Variants in EDEM1 observed in about 807,000 individuals in gnomAD.
EDEM1 encodes ER degradation-enhancing alpha-mannosidase-like protein 1.
EDEM1 carries 67 observed loss-of-function variants against 74.4 expected under a neutral mutation model. The ratio of observed to expected loss-of-function variants is 0.90; its 90% CI spans 0.74 to 1.10. The LOEUF (loss-of-function observed/expected upper bound fraction) is 1.10, where lower values mean the gene tolerates loss of function less well. EDEM1 is among the 50% of genes least tolerant of loss of function. The pLI is 0.00. For missense variants in EDEM1, 926 were observed against 851.6 expected, an observed-to-expected ratio of 1.09 and a Z score of -1.09; for synonymous variants, 382 against 335.9, an observed-to-expected ratio of 1.14 and a Z score of -1.50.
chr3:5,194,394 A>T (rs1050134773), intron 1 of EDEM1, among the ~76,000 whole-genome samples: 1 of 152,186 alleles, frequency 6.6e-6, no homozygotes, highest in South Asian at 2.1e-4. Context: ...CTTCATCCCT[A>T]TTCTCCCAGA....
chr3:5,198,347 C>T lies in EDEM1; in HGVS notation c.583-1245C>T, dbSNP rs192406350. Among the ~76,000 whole-genome samples, 303 of 152,288 alleles carry T rather than the reference C, an allele frequency of 2.0e-3. 1 individual carries two copies. The highest frequency in any genetic ancestry group is 7.0e-3 in the African/African-American group (292 of 41,560). ...ACAGACCTGAGCCACCGTGTCCAGC[C>T]GGTTGACTCTCTGATTAGCCTTTCA... On this transcript the variant is annotated intron_variant, in intron 2 of 11. Coordinates refer to ENST00000256497, the MANE Select transcript of EDEM1 (RefSeq NM_014674.3).
chr3:5,190,718 G>A (rs1410510164), intron 1 of EDEM1, among the ~76,000 whole-genome samples: 1 of 152,200 alleles, frequency 6.6e-6, no homozygotes, highest in Non-Finnish European at 1.5e-5. Context: ...CCTGAGCTGG[G>A]TAGGCCCGTT....
At chr3:5,191,235 T>C (rs1385847820) in intron 1 of EDEM1, among the ~76,000 whole-genome samples, 1 of 152,120 alleles carries the variant, frequency 6.6e-6, no homozygotes. Flanking sequence ...TTTGTTTGTT[T>C]GTTTAATTGA....
At chr3:5,206,701 T>C (rs1052070918) in intron 6 of EDEM1, among the ~76,000 whole-genome samples, 3 of 152,236 alleles carry the variant, frequency 2.0e-5, no homozygotes, top group African/African-American at 7.2e-5. Flanking sequence ...AGCCACAAAC[T>C]AAATTGAGCA....
At chr3:5,188,675 G>A (rs1487109764) in intron 1 of EDEM1, among the ~76,000 whole-genome samples, 2 of 152,334 alleles carry the variant, frequency 1.3e-5, no homozygotes, top group East Asian at 1.9e-4. Flanking sequence ...CTCCGGATGA[G>A]CATAAACTCT....
At chr3:5,210,797 G>T (rs989504051) in intron 9 of EDEM1, among the ~76,000 whole-genome samples, 4 of 151,514 alleles carry the variant, frequency 2.6e-5, no homozygotes, top group Non-Finnish European at 5.9e-5. Context: ...AATTCTACAA[G>T]TATTAGGACT....
intron 5 of EDEM1, among the ~76,000 whole-genome samples, chr3:5,204,013 T>C (rs1406604525): frequency 6.6e-6 from 1 of 152,262 alleles, no homozygotes; most frequent in Non-Finnish European, 1.5e-5. Flanking sequence ...ATTACAGGTG[T>C]AAGCCACTGT....
rs1183592291 is a variant in EDEM1, at chr3:5,219,037, CTGGTT to C, written c.*3124_*3128del. 1 of 152,112 alleles carries C rather than the reference CTGGTT, an allele frequency of 6.6e-6. No homozygotes were observed. Among genetic ancestry groups the C allele is most frequent in the East Asian group, 1.9e-4 (1 of 5,190 alleles). The allele number at this position is 152,112 out of a possible 1,614,324, so 9.4% of individuals were successfully genotyped here. A position where few individuals can be genotyped will look rare whatever the true frequency, so the allele number is the denominator to read the frequency against. ...ATTAGAGGAGCGTCTGTAGAAGTAC[CTGGTT>C]TGGTCAGTGCAGTTGTGCAATCTGA... On this transcript the variant is annotated 3_prime_UTR_variant, in exon 12 of 12. Transcript: ENST00000256497.
Position 5,191,557 on chromosome 3 carries a change from T to C in EDEM1, c.509+3243T>C, listed in dbSNP as rs145728849. On this transcript the variant is annotated intron_variant, in intron 1 of 11. Transcript: ENST00000256497. ...CAAAAATCTTTCAGATTTTAAAAAA[T>C]CAAATGTATTCTAATGACTCATTTA... 3.0e-3 allele frequency among the ~76,000 whole-genome samples: 461 copies of C among 152,230 alleles called. 5 individuals carry two copies. The highest frequency in any genetic ancestry group is 2.5e-3 in the Admixed American group (38 of 15,286).
intron 10 of EDEM1, among the ~76,000 whole-genome samples, chr3:5,212,362 T>A (rs542058531): frequency 6.6e-6 from 1 of 152,338 alleles, no homozygotes; most frequent in East Asian, 1.9e-4. Context: ...TGGTTCTTGC[T>A]CTCCTTGCAG....
rs1298310712 is a variant in EDEM1, at chr3:5,216,998, A to G, written c.*1080A>G. The G allele has an allele frequency of 3.3e-5, 5 of 152,616 alleles. No homozygotes were observed. Among genetic ancestry groups the G allele is most frequent in the African/African-American group, 1.2e-4 (5 of 41,442 alleles). The allele number at this position is 152,616 out of a possible 1,614,324, so 9.5% of individuals were successfully genotyped here. On this transcript the variant is annotated 3_prime_UTR_variant, in exon 12 of 12. Coordinates refer to ENST00000256497, the MANE Select transcript of EDEM1 (RefSeq NM_014674.3). Reference sequence around the variant, plus strand: ...ACATGACTTTTAGCATCCTTGAGCCATTTCTCTGTGTAATACAGGCTTTAG... The same window carrying G: ...ACATGACTTTTAGCATCCTTGAGCCGTTTCTCTGTGTAATACAGGCTTTAG...
At chr3:5,206,129 T>G (rs111336066) in intron 6 of EDEM1, among the ~76,000 whole-genome samples, 7,879 of 152,032 alleles carry the variant, frequency 0.052, 667 homozygotes, top group African/African-American at 0.18. Context: ...TTTCTGTTGT[T>G]CCTCCAGGAT....
chr3:5,194,989 A>C, intron 1 of EDEM1: 1 of 342,156 alleles, frequency 2.9e-6, no homozygotes, highest in Non-Finnish European at 5.3e-6. Flanking sequence ...CCACTCTGGT[A>C]CAAGTGTGTC....
intron 11 of EDEM1, among the ~76,000 whole-genome samples, chr3:5,214,367 C>T (rs1002162172): frequency 1.3e-5 from 2 of 152,204 alleles, no homozygotes; most frequent in Admixed American, 1.3e-4. Context: ...GCCGACTGTG[C>T]TTCAGTGCTT....
chr3:5,217,430 G>A lies in EDEM1; in HGVS notation c.*1512G>A, dbSNP rs1474173910. The A allele has an allele frequency of 2.6e-5, 4 of 152,562 alleles. No individual in the cohort carries two copies. Among genetic ancestry groups the A allele is most frequent in the Non-Finnish European group, 5.9e-5 (4 of 68,034 alleles). 9.5% of individuals were successfully genotyped at this position (152,562 alleles called of 1,614,324 possible). A position where few individuals can be genotyped will look rare whatever the true frequency, so the allele number is the denominator to read the frequency against. ...CCTGTCACTGTTTTCCCACCTCTAA[G>A]GATTTCATGTACATCTTTTCAAAGC... On this transcript the variant is annotated 3_prime_UTR_variant, in exon 12 of 12. Transcript: ENST00000256497.
chr3:5,195,055 G>A (rs1352269971), intron 1 of EDEM1, 154 bp from the exon 2 acceptor site: 5 of 434,390 alleles, frequency 1.2e-5, no homozygotes, highest in African/African-American at 8.2e-5. Context: ...TGTTACTTTG[G>A]GGGTAGAAAG....
At chr3:5,198,622 A>G (rs2054998095) in intron 2 of EDEM1, among the ~76,000 whole-genome samples, 1 of 151,210 alleles carries the variant, frequency 6.6e-6, no homozygotes, top group East Asian at 1.9e-4. Flanking sequence ...GAGGCCCACA[A>G]GGAATTTCCT....
At position 5,217,211 on chromosome 3, in the gene EDEM1, TG is replaced by T. The variant is rs370602912; in HGVS notation, c.*1294del. 1.1e-3 allele frequency: 161 copies of T among 152,742 alleles called. No homozygotes were observed. The highest frequency in any genetic ancestry group is 3.6e-3 in the African/African-American group (150 of 41,572). 9.5% of individuals were successfully genotyped at this position (152,742 alleles called of 1,614,324 possible). A position where few individuals can be genotyped will look rare whatever the true frequency, so the allele number is the denominator to read the frequency against. ...GGAGGAAGTTGTGCTAAAATGCCTTTGTTTTTTTGTTATTATTTTCTTAGCC... is the reference window on the plus strand; with the variant it reads ...GGAGGAAGTTGTGCTAAAATGCCTTTTTTTTTTGTTATTATTTTCTTAGCC... On this transcript the variant is annotated 3_prime_UTR_variant, in exon 12 of 12. Transcript: ENST00000256497.
At chr3:5,193,448 G>A (rs185416878) in intron 1 of EDEM1, among the ~76,000 whole-genome samples, 1 of 151,686 alleles carries the variant, frequency 6.6e-6, no homozygotes, top group African/African-American at 2.4e-5. Flanking sequence ...TATTGTATAA[G>A]TTTATTTCCA....
Sources: allele counts gnomAD v4.1 joint callset (sites outside exome capture counted in the v4.1 genomes callset), GRCh38; gene constraint gnomAD v4.1.1; transcripts MANE v1.5; gene names NCBI Gene and HGNC (gene_info 2026-07-23, HGNC 2026-07-21).